The following UGCG variants were observed in gnomAD, a reference collection of about 807,000 sequenced individuals.
UGCG encodes UDP-glucose ceramide glucosyltransferase.
UGCG carries 10 observed loss-of-function variants against 49.5 expected under a neutral mutation model. That is an observed-to-expected ratio of 0.20 (90% confidence interval 0.12 to 0.34). The LOEUF is 0.34. UGCG is among the 10% of genes least tolerant of loss of function. The pLI, the probability that UGCG is intolerant of heterozygous loss-of-function variation, is 1.00. For synonymous variants in UGCG, 182 were observed against 158.2 expected, an observed-to-expected ratio of 1.15 and a Z score of -1.13; for missense variants, 312 against 483.7, an observed-to-expected ratio of 0.65 and a Z score of 3.33.
intron 1 of UGCG, among the ~76,000 whole-genome samples, chr9:111,897,894 T>A (rs928934976): frequency 1.3e-5 from 2 of 151,288 alleles, no homozygotes; most frequent in Non-Finnish European, 2.9e-5. Flanking sequence ...TGGTTTTCTT[T>A]CCTTTTTTCA....
At chr9:111,904,867 G>GA (rs1564197661) in intron 1 of UGCG, among the ~76,000 whole-genome samples, 1 of 151,838 alleles carries the variant, frequency 6.6e-6, no homozygotes, top group South Asian at 2.1e-4. Context: ...TGTCTTGGAG[G>GA]AAAAAAAATT....
intron 2 of UGCG, among the ~76,000 whole-genome samples, chr9:111,919,396 T>C (rs1243966379): frequency 2.0e-5 from 3 of 151,768 alleles, no homozygotes; most frequent in Non-Finnish European, 2.9e-5. Flanking sequence ...GGTGGGAGGA[T>C]TGCTTGAGCC....
In UGCG at chr9:111,933,098, G is replaced by T; in HGVS notation, c.*101G>T. 9.4e-7 allele frequency: 1 copy of T among 1,068,438 alleles called. No homozygotes were observed. The highest frequency in any genetic ancestry group is 1.2e-6 in the Non-Finnish European group (1 of 835,706). The allele number at this position is 1,068,438 out of a possible 1,614,324, so 66.2% of individuals were successfully genotyped here. A position where few individuals can be genotyped will look rare whatever the true frequency, so the allele number is the denominator to read the frequency against. The stretch of plus-strand genomic sequence containing the variant: ...TCTACCTTCTGTAGTTTTATCACAT[G>T]TATGTTTTGGTATCTGTTCTTTAAT... On this transcript the variant is annotated 3_prime_UTR_variant, in exon 9 of 9. Transcript: ENST00000374279.
At chr9:111,927,132 A>G (rs1261656509) in intron 5 of UGCG, among the ~76,000 whole-genome samples, 1 of 151,922 alleles carries the variant, frequency 6.6e-6, no homozygotes, top group African/African-American at 2.4e-5. Flanking sequence ...CAGCCTCCCA[A>G]AGTGCTGGGA....
intron 2 of UGCG, among the ~76,000 whole-genome samples, chr9:111,921,686 A>G (rs1272315835): frequency 6.6e-6 from 1 of 151,190 alleles, no homozygotes; most frequent in Non-Finnish European, 1.5e-5. Context: ...ATGGAAATTT[A>G]GGGGTTCAGT....
intron 2 of UGCG, among the ~76,000 whole-genome samples, chr9:111,918,546 A>T (rs1838152357): frequency 1.3e-5 from 2 of 152,178 alleles, no homozygotes; most frequent in Non-Finnish European, 2.9e-5. Flanking sequence ...TTTTTTTTGG[A>T]TAATATGAAT....
At chr9:111,929,440 G>T (rs943989181) in intron 5 of UGCG, 60 bp from the exon 6 acceptor site, 1 of 1,538,420 alleles carries the variant, frequency 6.5e-7, no homozygotes. Context: ...AAAACAGTTC[G>T]TGAACACCAT....
intron 1 of UGCG, among the ~76,000 whole-genome samples, chr9:111,903,556 C>G (rs980314825): frequency 5.3e-5 from 8 of 152,300 alleles, no homozygotes; most frequent in African/African-American, 1.9e-4. Flanking sequence ...CAGAGCAAGA[C>G]TCTGCCTCAG....
At chr9:111,918,952 C>CAAA (rs148874658) in intron 2 of UGCG, among the ~76,000 whole-genome samples, 5 of 146,556 alleles carry the variant, frequency 3.4e-5, no homozygotes, top group African/African-American at 7.6e-5. Context: ...AACAAAAAAA[C>CAAA]AAAAAAAAAC....
At chr9:111,915,886 A>AT (rs1418445288) in intron 2 of UGCG, 1 of 951,590 alleles carries the variant, frequency 1.1e-6, no homozygotes, top group Non-Finnish European at 1.3e-6. Flanking sequence ...TTTTTATATT[A>AT]TTGCTTTGGA....
intron 1 of UGCG, among the ~76,000 whole-genome samples, 170 bp downstream of exon 1, chr9:111,897,483 TG>T (rs1286382297): frequency 6.7e-6 from 1 of 150,006 alleles, no homozygotes; most frequent in East Asian, 2.0e-4. Context: ...GCGGTGGCGG[TG>T]GTCTTTGCGA....
intron 2 of UGCG, among the ~76,000 whole-genome samples, chr9:111,916,393 T>A (rs1005362930): frequency 6.6e-6 from 1 of 152,212 alleles, no homozygotes; most frequent in African/African-American, 2.4e-5. Context: ...GTTGTAGTGC[T>A]TGTGAGATGA....
intron 1 of UGCG, among the ~76,000 whole-genome samples, chr9:111,904,177 T>A (rs1837831164): frequency 1.3e-5 from 2 of 152,346 alleles, no homozygotes; most frequent in South Asian, 2.1e-4. Flanking sequence ...ATCACTTCAT[T>A]ATCTTGCCTC....
rs1564195301 is a variant in UGCG at position 111,896,983 on chromosome 9, A to ATCCGCAGCCG, written c.-233_-232insTCCGCAGCCG. The stretch of plus-strand genomic sequence containing the variant: ...CCGACCAGAGCCGGGAGACCGCAGC[A>ATCCGCAGCCG]CCCGCAGCCGCCCGCGAGCGCGCCG... On this transcript the variant is annotated 5_prime_UTR_variant, in exon 1 of 9. Transcript: ENST00000374279. 1 of 225,924 alleles carries ATCCGCAGCCG rather than the reference A, an allele frequency of 4.4e-6. No homozygotes were observed. Among genetic ancestry groups the ATCCGCAGCCG allele is most frequent in the Non-Finnish European group, 8.4e-6 (1 of 118,754 alleles). The allele number at this position is 225,924 out of a possible 1,614,324, so 14.0% of individuals were successfully genotyped here. A position where few individuals can be genotyped will look rare whatever the true frequency, so the allele number is the denominator to read the frequency against.
At chr9:111,914,834 G>A (rs117321862) in intron 2 of UGCG, 88 bp downstream of exon 2, 2 of 1,518,448 alleles carry the variant, frequency 1.3e-6, no homozygotes, top group East Asian at 4.6e-5. Context: ...CACTGTATAA[G>A]GTGAAGGTAT....
intron 8 of UGCG, 33 bp from the exon 9 acceptor site, chr9:111,932,794 G>C: frequency 6.6e-7 from 1 of 1,517,674 alleles, no homozygotes; most frequent in Non-Finnish European, 8.8e-7. Context: ...TTGACAGTGA[G>C]TGAAATTAAA....
intron 2 of UGCG, among the ~76,000 whole-genome samples, chr9:111,918,479 A>G (rs565998417): frequency 1.3e-5 from 2 of 152,344 alleles, no homozygotes; most frequent in African/African-American, 2.4e-5. Flanking sequence ...GCTGCCTCCA[A>G]TTTGGTGTAA....
intron 1 of UGCG, among the ~76,000 whole-genome samples, chr9:111,903,815 C>T (rs960521867): frequency 2.0e-5 from 3 of 152,100 alleles, no homozygotes; most frequent in Non-Finnish European, 4.4e-5. Flanking sequence ...AGGCTGGTCT[C>T]GAACTCCTGA....
At chr9:111,921,914 C>A (rs936011865) in intron 2 of UGCG, among the ~76,000 whole-genome samples, 1 of 145,546 alleles carries the variant, frequency 6.9e-6, no homozygotes, top group South Asian at 2.2e-4. Flanking sequence ...TGGGCTCAAG[C>A]AATCCTCCCA....
Sources: gnomAD v4.1 joint callset for allele counts (sites outside exome capture counted in the v4.1 genomes callset) on GRCh38, gnomAD v4.1.1 for gene constraint, MANE v1.5 for transcripts, NCBI Gene and HGNC (gene_info 2026-07-23, HGNC 2026-07-21) for gene names.